The following CTIF variants were observed in gnomAD, a reference collection of about 807,000 sequenced individuals.
The protein encoded by CTIF is CBP80/20-dependent translation initiation factor.
A neutral mutation model predicts 66.0 loss-of-function variants in CTIF; 21 were observed. That is an observed-to-expected ratio of 0.32 (90% CI 0.23 to 0.46). CTIF has a LOEUF of 0.46. Ranked by LOEUF, CTIF falls within the 20% of genes least tolerant of loss-of-function variation. The pLI, the probability that CTIF is intolerant of heterozygous loss-of-function variation, is 1.00. For synonymous variants in CTIF, 345 were observed against 326.4 expected (o/e 1.06, Z -0.62); for missense variants, 739 against 812.7 (o/e 0.91, Z 1.10).
rs1297748923 is a variant in CTIF at position 48,862,191 on chromosome 18, C to CA, written c.*2632_*2633insA. ...CTGGCCCCCTCCCCAAGTCCATCCCCTCTCTGTGGCATGAGGAAGGCCGCG... is the reference window on the plus strand; with the variant it reads ...CTGGCCCCCTCCCCAAGTCCATCCCCATCTCTGTGGCATGAGGAAGGCCGCG... On this transcript the variant is annotated 3_prime_UTR_variant, in exon 12 of 12. Coordinates refer to ENST00000256413, the MANE Select transcript of CTIF (RefSeq NM_014772.3). The CA allele has an allele frequency of 6.6e-6, 1 of 152,244 alleles. No homozygotes were observed. Among genetic ancestry groups the CA allele is most frequent in the East Asian group, 1.9e-4 (1 of 5,184 alleles). The allele number at this position is 152,244 out of a possible 1,614,324, so 9.4% of individuals were successfully genotyped here.
chr18:48,654,050 C>G (rs1161692665), intron 3 of CTIF, among the ~76,000 whole-genome samples: 1 of 152,158 alleles, frequency 6.6e-6, no homozygotes, highest in Non-Finnish European at 1.5e-5. Flanking sequence ...CAATACCATT[C>G]AGGACATAGG....
At chr18:48,744,799 T>C (rs556904432) in intron 7 of CTIF, among the ~76,000 whole-genome samples, 1 of 152,182 alleles carries the variant, frequency 6.6e-6, no homozygotes, top group Non-Finnish European at 1.5e-5. Context: ...GTATCTTTTA[T>C]CCTGGGGCAG....
chr18:48,849,668 C>T (rs993598469), intron 10 of CTIF, among the ~76,000 whole-genome samples: 2 of 149,676 alleles, frequency 1.3e-5, no homozygotes, highest in African/African-American at 5.0e-5. Flanking sequence ...TCACTGCAAC[C>T]TCTGCCTCCT....
At chr18:48,658,386 C>T (rs1001425866) in intron 3 of CTIF, among the ~76,000 whole-genome samples, 1 of 150,354 alleles carries the variant, frequency 6.7e-6, no homozygotes, top group African/African-American at 2.4e-5. Flanking sequence ...ACATGTATAC[C>T]ACATGTATAT....
At chr18:48,591,822 A>G (rs1473537758) in intron 1 of CTIF, among the ~76,000 whole-genome samples, 1 of 152,178 alleles carries the variant, frequency 6.6e-6, no homozygotes, top group East Asian at 1.9e-4. Context: ...ATCATAGCTC[A>G]TTGTAGCCTC....
intron 8 of CTIF, 108 bp downstream of exon 8, chr18:48,758,513 G>A: frequency 7.3e-7 from 1 of 1,379,122 alleles, no homozygotes; most frequent in Non-Finnish European, 9.8e-7. Context: ...TGAGGGTCTA[G>A]GGAGCCATGT....
At chr18:48,676,174 T>G (rs2091626204) in intron 6 of CTIF, among the ~76,000 whole-genome samples, 1 of 152,146 alleles carries the variant, frequency 6.6e-6, no homozygotes, top group Non-Finnish European at 1.5e-5. Context: ...AGCATTAGAT[T>G]TCCTCAGGTT....
chr18:48,716,962 G>C (rs895465844), intron 7 of CTIF, among the ~76,000 whole-genome samples: 2 of 152,264 alleles, frequency 1.3e-5, no homozygotes, highest in African/African-American at 4.8e-5. Flanking sequence ...ACTAGAGGCA[G>C]GGGAGCGAGC....
In CTIF at chr18:48,664,436, TC is replaced by T; in HGVS notation, c.327-10del. 1 of 1,611,464 alleles carries T rather than the reference TC, an allele frequency of 6.2e-7. No individual in the cohort carries two copies. Among genetic ancestry groups the T allele is most frequent in the Non-Finnish European group, 8.5e-7 (1 of 1,178,258 alleles). Reference sequence around the variant, plus strand: ...TCTTGCCTCCGTTTCTCACCCTCCCTCGCCCTCTAGTGGTGCCACCTGGGAC... The same window carrying T: ...TCTTGCCTCCGTTTCTCACCCTCCCTGCCCTCTAGTGGTGCCACCTGGGAC... On this transcript the variant is annotated splice_polypyrimidine_tract_variant and intron_variant, in intron 4 of 11. Transcript: ENST00000256413.
intron 10 of CTIF, among the ~76,000 whole-genome samples, chr18:48,843,296 C>T (rs1207133282): frequency 6.6e-6 from 1 of 152,162 alleles, no homozygotes; most frequent in Admixed American, 6.5e-5. Flanking sequence ...CTACCCTTCT[C>T]TCCTCCATCT....
chr18:48,778,102 A>G (rs1910860311), intron 9 of CTIF, among the ~76,000 whole-genome samples: 1 of 152,012 alleles, frequency 6.6e-6, no homozygotes, highest in African/African-American at 2.4e-5. Flanking sequence ...TTTAGCAGCC[A>G]CCCGTTAGGA....
intron 9 of CTIF, among the ~76,000 whole-genome samples, chr18:48,778,336 G>A (rs973211022): frequency 6.6e-6 from 1 of 152,202 alleles, no homozygotes; most frequent in Non-Finnish European, 1.5e-5. Context: ...CAGGAGGCGG[G>A]AGCCCCAGGT....
chr18:48,793,093 T>C (rs1455499353), intron 9 of CTIF, among the ~76,000 whole-genome samples: 1 of 152,194 alleles, frequency 6.6e-6, no homozygotes, highest in Non-Finnish European at 1.5e-5. Flanking sequence ...GGGTGGCTGA[T>C]GACGGGGCTC....
rs368602391 is a variant in CTIF, at chr18:48,677,937, A to G, written c.507+7193A>G. 4.6e-5 allele frequency among the ~76,000 whole-genome samples: 7 copies of G among 152,108 alleles called. No individual in the cohort carries two copies. In the East Asian group the frequency reaches 1.2e-3, roughly 25 times the overall value. ...CATATACTATCTCTGAAGTCTCACA[A>G]ATACCCTGGGAAATGTTTATTCTAT... On this transcript the variant is annotated intron_variant, in intron 6 of 11. Coordinates refer to ENST00000256413, the MANE Select transcript of CTIF (RefSeq NM_014772.3).
intron 9 of CTIF, among the ~76,000 whole-genome samples, chr18:48,797,003 C>A (rs1486974088): frequency 1.3e-5 from 2 of 152,222 alleles, no homozygotes; most frequent in African/African-American, 4.8e-5. Flanking sequence ...CCATCTGCAG[C>A]ACTGGCCTCC....
intron 9 of CTIF, among the ~76,000 whole-genome samples, chr18:48,812,054 CCG>C (rs1296798757): frequency 6.6e-6 from 1 of 152,214 alleles, no homozygotes; most frequent in East Asian, 1.9e-4. Context: ...CCTCCGCCTC[CCG>C]GGATCAAGCA....
rs371941280 is a variant in CTIF at position 48,761,385 on chromosome 18, C to G, written c.1072-5C>G. 1.9e-6 allele frequency: 3 copies of G among 1,611,686 alleles called. No homozygotes were observed. Among genetic ancestry groups the G allele is most frequent in the Non-Finnish European group, 2.5e-6 (3 of 1,178,548 alleles). On this transcript the variant is annotated splice_region_variant and splice_polypyrimidine_tract_variant and intron_variant, in intron 8 of 11. Transcript: ENST00000256413. This position sits in a 1 kb window ranked among gnomAD's most constrained non-coding sequence, Gnocchi z 4.2. ...GGCACATTCATTTGTCTCCGACACCCCCAGGATGAAGTGGCCGTGGAGACG... is the reference window on the plus strand; with the variant it reads ...GGCACATTCATTTGTCTCCGACACCGCCAGGATGAAGTGGCCGTGGAGACG...
chr18:48,767,099 A>C (rs1402279349), intron 9 of CTIF, among the ~76,000 whole-genome samples: 7 of 152,148 alleles, frequency 4.6e-5, no homozygotes, highest in Non-Finnish European at 8.8e-5. Flanking sequence ...CTGGCTTTGC[A>C]GGGTCCTGAC....
chr18:48,739,020 A>C (rs1222652667), intron 7 of CTIF, among the ~76,000 whole-genome samples: 4 of 152,236 alleles, frequency 2.6e-5, no homozygotes, highest in African/African-American at 9.6e-5. Flanking sequence ...TTAGCCTCAG[A>C]GTCCAGATTT....
Sources: gnomAD v4.1 joint callset for allele counts (sites outside exome capture counted in the v4.1 genomes callset) on GRCh38, gnomAD v4.1.1 for gene constraint, Gnocchi (gnomAD v3.1) non-coding constraint, MANE v1.5 for transcripts, NCBI Gene and HGNC (gene_info 2026-07-23, HGNC 2026-07-21) for gene names.